Variants in ZFAND3 observed in about 807,000 individuals in gnomAD.
The protein encoded by ZFAND3 is AN1-type zinc finger protein 3.
A neutral mutation model predicts 29.6 loss-of-function variants in ZFAND3; 10 were observed. The observed-to-expected ratio is 0.34, with a 90% confidence interval of 0.21 to 0.57. The LOEUF is 0.57. Ranked by LOEUF, ZFAND3 falls within the 20% of genes least tolerant of loss-of-function variation. The pLI, the probability that ZFAND3 is intolerant of heterozygous loss-of-function variation, is 0.86. For missense variants in ZFAND3, 230 were observed against 304.5 expected, an observed-to-expected ratio of 0.76 and a Z score of 1.82; for synonymous variants, 128 against 112.6, an observed-to-expected ratio of 1.14 and a Z score of -0.87.
At chr6:38,019,486 A>G (rs1004848950) in intron 2 of ZFAND3, among the ~76,000 whole-genome samples, 6 of 151,720 alleles carry the variant, frequency 4.0e-5, no homozygotes, top group African/African-American at 1.2e-4. Context: ...TTCTCCAACA[A>G]TTTGTCATTT....
intron 1 of ZFAND3, among the ~76,000 whole-genome samples, chr6:37,821,215 A>T (rs1348154512): frequency 1.3e-5 from 2 of 152,236 alleles, no homozygotes; most frequent in East Asian, 3.8e-4. Context: ...TAGAAAGTGG[A>T]TCTTAATGTA....
At chr6:37,827,307 CTG>C (rs1365941460) in intron 1 of ZFAND3, among the ~76,000 whole-genome samples, 2 of 152,236 alleles carry the variant, frequency 1.3e-5, no homozygotes, top group African/African-American at 4.8e-5. Context: ...TCTTTTAGCA[CTG>C]TTAAACTGGC....
At chr6:38,129,103 ATGTT>A (rs775535488) in intron 5 of ZFAND3, among the ~76,000 whole-genome samples, 1 of 151,874 alleles carries the variant, frequency 6.6e-6, no homozygotes, top group Non-Finnish European at 1.5e-5. Flanking sequence ...ATTTTTTCAT[ATGTT>A]TGTTTGCCAT....
chr6:37,974,214 C>T (rs2127429740), intron 2 of ZFAND3, among the ~76,000 whole-genome samples: 1 of 152,172 alleles, frequency 6.6e-6, no homozygotes, highest in Admixed American at 6.5e-5. Flanking sequence ...AGGCGCCTGC[C>T]ATGACACCTG....
chr6:37,869,228 T>G (rs1223017887), intron 1 of ZFAND3, among the ~76,000 whole-genome samples: 1 of 152,184 alleles, frequency 6.6e-6, no homozygotes, highest in Non-Finnish European at 1.5e-5. Flanking sequence ...TGGCACGATC[T>G]TGGCTCACTG....
intron 2 of ZFAND3, among the ~76,000 whole-genome samples, chr6:38,011,184 T>G (rs1763146201): frequency 6.6e-6 from 1 of 152,172 alleles, no homozygotes; most frequent in Admixed American, 6.5e-5. Context: ...TTGCATAAAT[T>G]TACCACAGTT....
intron 2 of ZFAND3, among the ~76,000 whole-genome samples, chr6:37,977,777 G>T (rs13218774): frequency 0.46 from 52,866 of 114,900 alleles, 11,870 homozygotes; most frequent in Non-Finnish European, 0.53. Flanking sequence ...TGAGTTTTTT[G>T]TTTTTTTTTT....
intron 1 of ZFAND3, among the ~76,000 whole-genome samples, chr6:37,914,552 T>C (rs1360837225): frequency 1.3e-5 from 2 of 152,142 alleles, no homozygotes; most frequent in African/African-American, 2.4e-5. Flanking sequence ...TTGGCCAGGC[T>C]GGTCTTGAAA....
At chr6:37,891,385 G>A (rs959807250) in intron 1 of ZFAND3, among the ~76,000 whole-genome samples, 1 of 144,088 alleles carries the variant, frequency 6.9e-6, no homozygotes, top group African/African-American at 2.7e-5. Context: ...TGACAGAAAT[G>A]GATAATTTGA....
chr6:37,826,752 CAAA>C (rs200749686), intron 1 of ZFAND3, among the ~76,000 whole-genome samples: 1 of 96,534 alleles, frequency 1.0e-5, no homozygotes, highest in East Asian at 2.4e-4. Flanking sequence ...GACTCCATCT[CAAA>C]AAAAAAAAAA....
Position 38,153,271 on chromosome 6 carries a change from T to C in ZFAND3, c.*882T>C. ...GCCAGATTTCTATATTGGGAGTTTT[T>C]TAAAAAGACATTTCATAGCCAACAA... On this transcript the variant is annotated 3_prime_UTR_variant, in exon 6 of 6. Coordinates refer to ENST00000287218, the MANE Select transcript of ZFAND3 (RefSeq NM_021943.3). 3.0e-6 allele frequency: 3 copies of C among 985,470 alleles called. No individual in the cohort carries two copies. Among genetic ancestry groups the C allele is most frequent in the Non-Finnish European group, 3.6e-6 (3 of 829,954 alleles). 61.0% of individuals were successfully genotyped at this position (985,470 alleles called of 1,614,324 possible). A position where few individuals can be genotyped will look rare whatever the true frequency, so the allele number is the denominator to read the frequency against.
chr6:37,931,119 G>C (rs549315350), intron 2 of ZFAND3, among the ~76,000 whole-genome samples: 8 of 152,302 alleles, frequency 5.3e-5, no homozygotes, highest in African/African-American at 1.9e-4. Flanking sequence ...TATTTTTCCT[G>C]ATGGTTACAT....
At chr6:37,976,816 C>T (rs1762487029) in intron 2 of ZFAND3, among the ~76,000 whole-genome samples, 1 of 152,108 alleles carries the variant, frequency 6.6e-6, no homozygotes, top group African/African-American at 2.4e-5. Context: ...ATCATGAGAA[C>T]AGCATGGGGG....
Position 38,048,203 on chromosome 6 carries a change from G to A in ZFAND3, c.113-13390G>A, listed in dbSNP as rs967243135. On this transcript the variant is annotated intron_variant, in intron 2 of 5. Transcript: ENST00000287218. Reference sequence around the variant, plus strand: ...GTATTTTATGTAGATACAGGGTTTCGCCATGTCCAGGATGGTCTTGAACTC... The same window carrying A: ...GTATTTTATGTAGATACAGGGTTTCACCATGTCCAGGATGGTCTTGAACTC... Among the ~76,000 whole-genome samples, 29 of 151,848 alleles carry A rather than the reference G, an allele frequency of 1.9e-4. 1 individual carries two copies. The highest frequency in any genetic ancestry group is 1.8e-3 in the Admixed American group (27 of 15,246).
chr6:37,991,407 C>T (rs1198678136), intron 2 of ZFAND3, among the ~76,000 whole-genome samples: 1 of 151,790 alleles, frequency 6.6e-6, no homozygotes, highest in Non-Finnish European at 1.5e-5. Flanking sequence ...GACTGGGGTG[C>T]AGTGGTGCAA....
intron 1 of ZFAND3, among the ~76,000 whole-genome samples, chr6:37,899,798 A>G (rs1765285598): frequency 6.6e-6 from 1 of 152,174 alleles, no homozygotes; most frequent in South Asian, 2.1e-4. Flanking sequence ...AAAAGTAAAT[A>G]TTTTTACTTC....
At chr6:38,075,000 A>G (rs1286556621) in intron 3 of ZFAND3, among the ~76,000 whole-genome samples, 3 of 152,232 alleles carry the variant, frequency 2.0e-5, no homozygotes, top group African/African-American at 7.2e-5. Context: ...ACTGCTGAGA[A>G]AAAGATTCCT....
intron 2 of ZFAND3, among the ~76,000 whole-genome samples, chr6:37,966,673 C>T (rs888023658): frequency 6.6e-6 from 1 of 152,130 alleles, no homozygotes; most frequent in African/African-American, 2.4e-5. Context: ...CTCTATCACT[C>T]CCAAATACTT....
At chr6:37,844,337 A>G (rs1764137512) in intron 1 of ZFAND3, among the ~76,000 whole-genome samples, 1 of 151,960 alleles carries the variant, frequency 6.6e-6, no homozygotes, top group African/African-American at 2.4e-5. Flanking sequence ...GCTGGAGTGC[A>G]GTGGCGCAAT....
Sources: gnomAD v4.1 joint callset for allele counts (sites outside exome capture counted in the v4.1 genomes callset) on GRCh38, gnomAD v4.1.1 for gene constraint, MANE v1.5 for transcripts, NCBI Gene and HGNC (gene_info 2026-07-23, HGNC 2026-07-21) for gene names.